Variants in TMEM51 observed in about 807,000 individuals in gnomAD.
The protein encoded by TMEM51 is chromosome 1 open reading frame 72.
In TMEM51, 8 loss-of-function variants were observed where a neutral mutation model predicts 13.6. That is an observed-to-expected ratio of 0.59 (90% CI 0.35 to 1.07). TMEM51 has a LOEUF of 1.07. TMEM51 is among the 50% of genes least tolerant of loss of function. The pLI, the probability that TMEM51 is intolerant of heterozygous loss-of-function variation, is 0.02. For synonymous variants in TMEM51, 147 were observed against 144.4 expected, an observed-to-expected ratio of 1.02 and a Z score of -0.13; for missense variants, 279 against 330.7, an observed-to-expected ratio of 0.84 and a Z score of 1.21.
intron 1 of TMEM51, among the ~76,000 whole-genome samples, chr1:15,209,814 C>G (rs545739361): frequency 1.3e-5 from 2 of 152,288 alleles, no homozygotes; most frequent in East Asian, 3.9e-4. Context: ...AGAGGATCTC[C>G]TGAGGTCAGG....
chr1:15,193,033 T>TC (rs889599439), intron 1 of TMEM51, among the ~76,000 whole-genome samples: 4 of 152,188 alleles, frequency 2.6e-5, no homozygotes, highest in African/African-American at 9.6e-5. Context: ...ACCCGCCAGT[T>TC]CCCGGGGGCA....
chr1:15,180,973 G>A (rs1303188493), intron 1 of TMEM51, among the ~76,000 whole-genome samples: 1 of 152,104 alleles, frequency 6.6e-6, no homozygotes, highest in African/African-American at 2.4e-5. Flanking sequence ...TTGTGGGATG[G>A]GGATCAATGC....
intron 1 of TMEM51, among the ~76,000 whole-genome samples, chr1:15,195,101 G>A (rs936251402): frequency 3.3e-5 from 5 of 151,168 alleles, no homozygotes; most frequent in African/African-American, 7.3e-5. Context: ...GTTTTTTTGT[G>A]TGTGTATTTT....
intron 1 of TMEM51, chr1:15,192,798 G>T: frequency 5.8e-6 from 1 of 173,184 alleles, no homozygotes; most frequent in Non-Finnish European, 1.3e-5. Flanking sequence ...ACTGACTAAT[G>T]CCTGCAGTCT....
intron 2 of TMEM51, 24 bp from the exon 3 acceptor site, chr1:15,214,871 C>G (rs1272920730): frequency 5.2e-6 from 3 of 574,922 alleles, no homozygotes; most frequent in Non-Finnish European, 9.2e-6. Flanking sequence ...ATCGTCCTCT[C>G]TGCTCTTTCT....
intron 1 of TMEM51, among the ~76,000 whole-genome samples, chr1:15,194,917 CTTTTTTTT>C (rs34885407): frequency 9.6e-5 from 9 of 93,484 alleles, no homozygotes; most frequent in Non-Finnish European, 1.4e-4. Context: ...TATAATTTTA[CTTTTTTTT>C]TTTTTTTTTT....
chr1:15,200,407 C>CAAAAAA (rs55755539), intron 1 of TMEM51, among the ~76,000 whole-genome samples: 2 of 67,970 alleles, frequency 2.9e-5, no homozygotes, highest in Non-Finnish European at 5.3e-5. Context: ...GACTCTGTCT[C>CAAAAAA]AAAAAAAAAA....
At chr1:15,203,232 T>G (rs1644188805) in intron 1 of TMEM51, among the ~76,000 whole-genome samples, 1 of 152,096 alleles carries the variant, frequency 6.6e-6, no homozygotes, top group South Asian at 2.1e-4. Flanking sequence ...ATTTTCTTGG[T>G]GACTGTGTAC....
At chr1:15,191,723 GT>G (rs1410081716) in intron 1 of TMEM51, 16 of 311,280 alleles carry the variant, frequency 5.1e-5, no homozygotes, top group African/African-American at 3.6e-4. Context: ...TTTTTCAGTA[GT>G]AATTGCTTCT....
At chr1:15,187,849 A>G (rs1180009833) in intron 1 of TMEM51, among the ~76,000 whole-genome samples, 1 of 152,074 alleles carries the variant, frequency 6.6e-6, no homozygotes. Flanking sequence ...GGCCAAGGAA[A>G]GAGCTCTGAT....
At chr1:15,163,954 G>A (rs1573374767) in intron 1 of TMEM51, among the ~76,000 whole-genome samples, 2 of 151,560 alleles carry the variant, frequency 1.3e-5, no homozygotes, top group African/African-American at 4.9e-5. Flanking sequence ...TCAGCCTCCC[G>A]AGTAGCTGGG....
chr1:15,216,045 C>T (rs188941524), intron 3 of TMEM51, among the ~76,000 whole-genome samples: 1 of 150,142 alleles, frequency 6.7e-6, no homozygotes, highest in Non-Finnish European at 1.5e-5. Flanking sequence ...AAAAAAAATA[C>T]AAAAACAAAA....
intron 1 of TMEM51, among the ~76,000 whole-genome samples, chr1:15,169,843 T>C (rs1238846485): frequency 1.3e-5 from 2 of 152,226 alleles, no homozygotes; most frequent in African/African-American, 4.8e-5. Flanking sequence ...ACGCAAAGAA[T>C]AAAAATTTGA....
intron 1 of TMEM51, chr1:15,191,957 G>A (rs1042684281): frequency 4.3e-5 from 23 of 533,836 alleles, no homozygotes; most frequent in Admixed American, 1.9e-4. Flanking sequence ...ATTATGTGTC[G>A]TCTTAGTGAA....
At chr1:15,189,717 T>C (rs534539412) in intron 1 of TMEM51, among the ~76,000 whole-genome samples, 21 of 152,284 alleles carry the variant, frequency 1.4e-4, no homozygotes, top group Admixed American at 4.6e-4. Flanking sequence ...CCAGGGAGTG[T>C]TGGGATGATT....
chr1:15,195,182 C>T (rs1644023669), intron 1 of TMEM51, among the ~76,000 whole-genome samples: 1 of 152,070 alleles, frequency 6.6e-6, no homozygotes, highest in Non-Finnish European at 1.5e-5. Flanking sequence ...ATCTGCCTAC[C>T]TCGGCCTCCC....
In TMEM51 at chr1:15,202,971, C is replaced by T. The variant is rs144238192; in HGVS notation, c.-266-7519C>T. On this transcript the variant is annotated intron_variant, in intron 1 of 3. Transcript: ENST00000376008. ...CTGGGCCTCTGTAAAGATTAATGGA[C>T]GCCCACCTGCCTCCATAGGCCTTTA... Among the ~76,000 whole-genome samples, 634 of 152,278 alleles carry T rather than the reference C, an allele frequency of 4.2e-3. 6 individuals are homozygous for T. Among genetic ancestry groups the T allele is most frequent in the African/African-American group, 0.015 (615 of 41,554 alleles).
intron 2 of TMEM51, among the ~76,000 whole-genome samples, chr1:15,211,121 C>T (rs1465253277): frequency 6.6e-6 from 1 of 152,236 alleles, no homozygotes; most frequent in East Asian, 1.9e-4. Flanking sequence ...AATCCCATCA[C>T]ACACAGAAAA....
At chr1:15,157,781 A>C (rs569833350) in intron 1 of TMEM51, among the ~76,000 whole-genome samples, 276 of 152,286 alleles carry the variant, frequency 1.8e-3, no homozygotes, top group African/African-American at 6.4e-3. Flanking sequence ...CAGACTTGAT[A>C]ATGTGTCTTT....
Sources: allele counts gnomAD v4.1 joint callset (sites outside exome capture counted in the v4.1 genomes callset), GRCh38; gene constraint gnomAD v4.1.1; transcripts MANE v1.5; gene names NCBI Gene and HGNC (gene_info 2026-07-23, HGNC 2026-07-21).